PCDH11Y: variants seen among roughly 807,000 people sequenced by gnomAD.
The protein encoded by PCDH11Y is protocadherin 11 Y-linked, also known as protocadherin-11 Y-linked.
For synonymous variants in PCDH11Y, 9 were observed against 83.6 expected (o/e 0.11, Z 4.87); for missense variants, 12 against 224.8 (o/e 0.05, Z 6.05).
At chrY:5,542,256 C>G (rs1602940765) in intron 3 of PCDH11Y, among the ~76,000 whole-genome samples, 2 of 32,760 alleles carry the variant, frequency 6.1e-5, no homozygotes, top group Non-Finnish European at 7.6e-5. Context: ...GCATAAATAG[C>G]CATTGGATTT....
intron 3 of PCDH11Y, among the ~76,000 whole-genome samples, chrY:5,577,027 C>T: frequency 3.0e-5 from 1 of 33,090 alleles, no homozygotes; most frequent in African/African-American, 1.2e-4. Context: ...TTGTGTTAGT[C>T]TCAGATCTAA....
At chrY:5,363,516 A>G in intron 2 of PCDH11Y, among the ~76,000 whole-genome samples, 2 of 31,533 alleles carry the variant, frequency 6.3e-5, no homozygotes, top group African/African-American at 1.2e-4. Context: ...TATGTTTCTT[A>G]CCACCAACTT....
intron 2 of PCDH11Y, among the ~76,000 whole-genome samples, chrY:5,202,658 T>C (rs2052928066): frequency 3.0e-5 from 1 of 33,215 alleles, no homozygotes; most frequent in South Asian, 6.9e-4. Flanking sequence ...CAGTCTGCTT[T>C]TCCCAGTCCG....
At chrY:5,280,046 A>G (rs2053051509) in intron 2 of PCDH11Y, among the ~76,000 whole-genome samples, 1 of 18,493 alleles carries the variant, frequency 5.4e-5, no homozygotes, top group Admixed American at 5.9e-4. Context: ...TGCTACTTGA[A>G]ATACTAGCAA....
At chrY:5,636,507 C>A in intron 4 of PCDH11Y, among the ~76,000 whole-genome samples, 5 of 33,598 alleles carry the variant, frequency 1.5e-4, no homozygotes, top group Non-Finnish European at 3.0e-4. Flanking sequence ...AAAGCCAATT[C>A]AGGCTCTTGA....
chrY:5,096,438 CGTGTGTGTGTGTGT>C (rs367616063), intron 1 of PCDH11Y, among the ~76,000 whole-genome samples: 6 of 19,763 alleles, frequency 3.0e-4, no homozygotes, highest in African/African-American at 9.8e-4. Flanking sequence ...TTTAGATGTA[CGTGTGTGTGTGTGT>C]GTGTGTGTGT....
chrY:5,103,620 C>T (rs2124637293), downstream of PCDH11Y, among the ~76,000 whole-genome samples: 1 of 32,115 alleles, frequency 3.1e-5, no homozygotes, highest in Non-Finnish European at 7.6e-5. Context: ...ATATAATGGT[C>T]GTCTTTGGCA....
intron 2 of PCDH11Y, among the ~76,000 whole-genome samples, chrY:5,124,712 G>A: frequency 1.9e-4 from 6 of 32,024 alleles, no homozygotes; most frequent in Non-Finnish European, 4.6e-4. Flanking sequence ...ATACAGTCCT[G>A]GTCCCTCACC....
At chrY:5,077,864 G>A (rs2052712255) in intron 1 of PCDH11Y, among the ~76,000 whole-genome samples, 2 of 31,841 alleles carry the variant, frequency 6.3e-5, no homozygotes, top group Non-Finnish European at 1.5e-4. Flanking sequence ...ATATTTGCTT[G>A]TAGTTTTCTC....
chrY:5,496,761 C>T (rs2053345303), intron 2 of PCDH11Y, among the ~76,000 whole-genome samples: 3 of 31,747 alleles, frequency 9.4e-5, no homozygotes, highest in Admixed American at 8.8e-4. Flanking sequence ...CCATCACCTA[C>T]ATTAGGTATT....
At chrY:5,477,712 G>A (rs2053320876) in intron 2 of PCDH11Y, among the ~76,000 whole-genome samples, 1 of 32,859 alleles carries the variant, frequency 3.0e-5, no homozygotes, top group African/African-American at 1.2e-4. Context: ...GTCTATTCAG[G>A]GATTCAACTT....
intron 2 of PCDH11Y, among the ~76,000 whole-genome samples, chrY:5,346,075 C>A: frequency 3.0e-5 from 1 of 33,538 alleles, no homozygotes; most frequent in East Asian, 7.7e-4. Flanking sequence ...GCCATCAGTG[C>A]ACACTTGTCC....
intron 2 of PCDH11Y, among the ~76,000 whole-genome samples, chrY:5,323,459 A>G: frequency 3.1e-5 from 1 of 32,428 alleles, no homozygotes; most frequent in Non-Finnish European, 7.5e-5. Flanking sequence ...AGCCTCCCAA[A>G]GTGCTGGGAT....
At chrY:5,249,923 GA>G (rs2053002190) in intron 2 of PCDH11Y, among the ~76,000 whole-genome samples, 1 of 26,676 alleles carries the variant, frequency 3.7e-5, no homozygotes, top group African/African-American at 1.5e-4. Flanking sequence ...ATATTTACAA[GA>G]AAAAAAAACA....
intron 2 of PCDH11Y, among the ~76,000 whole-genome samples, chrY:5,327,842 G>T: frequency 6.1e-5 from 2 of 32,535 alleles, no homozygotes; most frequent in Admixed American, 5.6e-4. Context: ...CCAGAGTGGG[G>T]GGAGTTTTAA....
intron 3 of PCDH11Y, among the ~76,000 whole-genome samples, chrY:5,033,919 C>T: frequency 3.1e-5 from 1 of 32,370 alleles, no homozygotes; most frequent in Non-Finnish European, 7.6e-5. Context: ...TCAAGTTTTC[C>T]GTTCATTGAA....
intron 3 of PCDH11Y, among the ~76,000 whole-genome samples, chrY:5,571,078 A>T: frequency 3.2e-5 from 1 of 30,922 alleles, no homozygotes. Context: ...CATCTCCTTA[A>T]ATATTTTATA....
chrY:5,195,597 C>T, intron 2 of PCDH11Y, among the ~76,000 whole-genome samples: 2 of 33,231 alleles, frequency 6.0e-5, no homozygotes, highest in African/African-American at 2.4e-4. Context: ...ATTACCTGCT[C>T]TTTACTTATT....
chrY:5,503,266 GA>G (rs2053355491), intron 3 of PCDH11Y, among the ~76,000 whole-genome samples: 1 of 32,006 alleles, frequency 3.1e-5, no homozygotes, highest in Admixed American at 2.9e-4. Context: ...TCTACAGGAT[GA>G]AGGACTCACA....
Sources: allele counts gnomAD v4.1 joint callset (sites outside exome capture counted in the v4.1 genomes callset), GRCh38; gene constraint gnomAD v4.1.1; transcripts MANE v1.5; gene names NCBI Gene and HGNC (gene_info 2026-07-23, HGNC 2026-07-21).